Variants in RNF213 observed in about 807,000 individuals in gnomAD.
RNF213 encodes ring finger protein 213.
Under a neutral mutation model 514.4 loss-of-function variants are expected in RNF213, and 341 were observed. The observed-to-expected ratio is 0.66, with a 90% CI of 0.61 to 0.73. The LOEUF is 0.73. RNF213 is among the 30% of genes least tolerant of loss of function. The pLI, the probability that RNF213 is intolerant of heterozygous loss-of-function variation, is 0.00. For missense variants in RNF213, 5,767 were observed against 6,615.6 expected (o/e 0.87, Z 4.45); for synonymous variants, 2,655 against 2,658.2 (o/e 1.00, Z 0.04).
rs957634886 is a variant in RNF213 at position 80,355,783 on chromosome 17, T to C, written c.10862+1207T>C. On this transcript the variant is annotated intron_variant, in intron 36 of 67. Coordinates refer to ENST00000582970, the MANE Select transcript of RNF213 (RefSeq NM_001256071.3). ...CGGGGTGAATGGGAATGGGGGCTCA[T>C]GGAGGAAAAAGCGGGGTGACCGGGA... is the stretch of plus-strand genomic sequence containing the variant. 1.8e-3 allele frequency among the ~76,000 whole-genome samples: 63 copies of C among 35,474 alleles called. 1 individual carries two copies. The highest frequency in any genetic ancestry group is 3.9e-3 in the Admixed American group (11 of 2,830). The allele number at this position is 35,474 out of a possible 152,430, so 23.3% of individuals were successfully genotyped here.
intron 11 of RNF213, 117 bp from the exon 12 acceptor site, chr17:80,306,135 G>C: frequency 9.9e-7 from 1 of 1,006,174 alleles, no homozygotes; most frequent in Admixed American, 1.8e-5. Flanking sequence ...CCCTCAAGTA[G>C]TATTTAAATC....
In RNF213 at chr17:80,289,667, G is replaced by A. The variant is rs910710047; in HGVS notation, c.942G>A (p.Glu314=). The A allele has an allele frequency of 1.9e-6, 3 of 1,613,850 alleles. No individual in the cohort carries two copies. The African/African-American group carries it at 4.0e-5, about 22-fold the overall frequency. ...PPFKTHCQEA[E]TKTKDEMAAA... The stretch of plus-strand genomic sequence containing the variant: ...TTGGTTCCTTGTTCCAGGAAGCTGA[G>A]ACCAAGACCAAGGACGAGATGGCTG... The change falls in exon 6 of 68, where the codon GAG becomes GAA. Residue 314 remains glutamate (E), a synonymous_variant. Coordinates refer to ENST00000582970, the MANE Select transcript of RNF213 (RefSeq NM_001256071.3).
chr17:80,372,466 G>A, intron 47 of RNF213, 55 bp from the exon 48 acceptor site: 1 of 1,290,442 alleles, frequency 7.7e-7, no homozygotes, highest in Non-Finnish European at 1.1e-6. Context: ...AGAAGCTTGG[G>A]GCATCCATGT....
At position 80,358,344 on chromosome 17, in the gene RNF213, T is replaced by C. The variant is rs957134094; in HGVS notation, c.10919T>C (p.Ile3640Thr). The C allele has an allele frequency of 2.5e-6, 4 of 1,614,168 alleles. No individual in the cohort carries two copies. Among genetic ancestry groups the C allele is most frequent in the Non-Finnish European group, 3.4e-6 (4 of 1,180,028 alleles). Residue 3640 changes from isoleucine to threonine, a missense_variant, in exon 37 of 68, where the codon ATA (isoleucine) becomes ACA (threonine). Ile to Thr is a moderately conservative substitution (Grantham distance 89). Transcript: ENST00000582970. ...GAVTPLLASM[I>T]SFIDRDGNLE... ...GTCACCCCTCTGCTGGCGAGCATGA[T>C]ATCATTCATCGACAGAGACGGCAAC...
intron 29 of RNF213, among the ~76,000 whole-genome samples, chr17:80,349,323 C>T (rs960307089): frequency 2.6e-5 from 4 of 152,146 alleles, no homozygotes; most frequent in Non-Finnish European, 5.9e-5. Context: ...CCTCGAGGAA[C>T]GTTTCGACTT....
rs1466858143 is a variant in RNF213, at chr17:80,344,956, A to T, written c.6621A>T (p.Val2207=). The part of the protein sequence containing the change: ...CLQHFLFHCG[V]INPSWSELRN... ...AGCATTTCCTGTTTCACTGCGGGGT[A>T]ATAAACCCATCCTGGTCAGAGCTTC... Residue 2207 remains valine (V), a synonymous_variant, in exon 29 of 68, where the codon GTA becomes GTT. Transcript: ENST00000582970. 1 of 1,614,064 alleles carries T rather than the reference A, an allele frequency of 6.2e-7. No homozygotes were observed. The highest frequency in any genetic ancestry group is 8.5e-7 in the Non-Finnish European group (1 of 1,180,046).
rs746182028 is a variant in RNF213, at chr17:80,336,367, C to T, written c.4516C>T (p.Pro1506Ser). The T allele has an allele frequency of 9.8e-5, 151 of 1,537,096 alleles. No homozygotes were observed. In the African/African-American group the frequency reaches 1.7e-3, roughly 17 times the overall value. The change falls in exon 23 of 68, where the codon CCC becomes TCC. Residue 1506 changes from proline (P) to serine (S), a missense_variant. Pro to Ser is a moderately conservative substitution (Grantham distance 74). Transcript: ENST00000582970. ...WKALDKDQYLPRKLCDSARNL... is the reference protein window; with the variant it reads ...WKALDKDQYLSRKLCDSARNL... ...GGCTCTGGATAAGGACCAGTACCTG[C>T]CCAGGAAACTGGTGAGTCTTATTCT...
chr17:80,302,451 G>A (rs2045213794), intron 11 of RNF213, among the ~76,000 whole-genome samples: 1 of 152,036 alleles, frequency 6.6e-6, no homozygotes, highest in Admixed American at 6.6e-5. Context: ...TATATACAGT[G>A]CATAAAATGT....
At chr17:80,261,816 C>G (rs1479177756) in intron 1 of RNF213, among the ~76,000 whole-genome samples, 2 of 152,116 alleles carry the variant, frequency 1.3e-5, no homozygotes, top group Non-Finnish European at 2.9e-5. Flanking sequence ...GTCGGGAGTT[C>G]GAGACCAGCC....
chr17:80,352,999 G>A lies in RNF213; in HGVS notation c.10363G>A (p.Val3455Met), dbSNP rs149372744. The stretch of plus-strand genomic sequence containing the variant: ...GAGATCCACCCTCATGGTTTCTGAT[G>A]TGACCAGGCTGCAGCATGTCACCAT... ...LRRSTLMVSD[V>M]TRLQHVTISQ... The change falls in exon 33 of 68, where the codon GTG becomes ATG. Residue 3455 changes from valine to methionine, a missense_variant. This residue lies in a region of RNF213 where 919 missense variants were observed against 1,121.0 expected (regional missense o/e 0.82). Coordinates refer to ENST00000582970, the MANE Select transcript of RNF213 (RefSeq NM_001256071.3). 3 of 1,613,948 alleles carry A rather than the reference G, an allele frequency of 1.9e-6. No homozygotes were observed. The highest frequency in any genetic ancestry group is 1.7e-6 in the Non-Finnish European group (2 of 1,180,044).
In RNF213 at chr17:80,345,156, C is replaced by T. The variant is rs753314456; in HGVS notation, c.6821C>T (p.Pro2274Leu). 42 of 1,613,922 alleles carry T rather than the reference C, an allele frequency of 2.6e-5. No individual in the cohort carries two copies. Among genetic ancestry groups the T allele is most frequent in the Middle Eastern group, 1.6e-4 (1 of 6,084 alleles). ...TCACTCCACACCTCTGACCAAAGCC[C>T]GGGGAAGCACATGGTCACCATGGAT... ...TPSLHTSDQS[P>L]GKHMVTMDGV... The change falls in exon 29 of 68, where the codon CCG becomes CTG. Residue 2274 changes from proline to leucine, a missense_variant. Coordinates refer to ENST00000582970, the MANE Select transcript of RNF213 (RefSeq NM_001256071.3). The surrounding 1 kb of genome is among the most constrained non-coding windows in gnomAD (Gnocchi z 6.0).
At chr17:80,319,942 C>CG (rs1467592261) in intron 17 of RNF213, 1 of 1,030,592 alleles carries the variant, frequency 9.7e-7, no homozygotes, top group East Asian at 8.4e-5. Flanking sequence ...CATTGAATTC[C>CG]GGGGACCAAG....
chr17:80,288,446 C>T lies in RNF213; in HGVS notation c.810+83C>T, dbSNP rs2044557228. The T allele has an allele frequency of 6.2e-7, 1 of 1,600,758 alleles. No homozygotes were observed. Among genetic ancestry groups the T allele is most frequent in the Non-Finnish European group, 8.5e-7 (1 of 1,174,158 alleles). On this transcript the variant is annotated intron_variant, in intron 4 of 67. Coordinates refer to ENST00000582970, the MANE Select transcript of RNF213 (RefSeq NM_001256071.3). This position sits in a 1 kb window ranked among gnomAD's most constrained non-coding sequence, Gnocchi z 4.9. ...CTGCTGCAAGGTGCTGGCGTTGCTT[C>T]CCTGCCGGGGGGAGGGGCGTCCTCT... is the stretch of plus-strand genomic sequence containing the variant.
Sources: allele counts gnomAD v4.1 joint callset (sites outside exome capture counted in the v4.1 genomes callset), GRCh38; gene constraint gnomAD v4.1.1; regional missense constraint gnomAD v4.1.1; non-coding constraint Gnocchi (gnomAD v3.1); transcripts MANE v1.5; gene names NCBI Gene and HGNC (gene_info 2026-07-23, HGNC 2026-07-21).